Variants in MYOZ3 observed in about 807,000 individuals in gnomAD.
MYOZ3 encodes myozenin 3.
A neutral mutation model predicts 26.5 loss-of-function variants in MYOZ3; 19 were observed. The observed-to-expected ratio is 0.72, with a 90% CI of 0.50 to 1.05. The LOEUF is 1.05. Ranked by LOEUF, MYOZ3 falls within the 50% of genes least tolerant of loss-of-function variation. The pLI is 0.00. For synonymous variants in MYOZ3, 135 were observed against 138.8 expected, an observed-to-expected ratio of 0.97 and a Z score of 0.19; for missense variants, 322 against 337.1, an observed-to-expected ratio of 0.96 and a Z score of 0.35.
At chr5:150,662,196 C>G (rs552881263) in intron 1 of MYOZ3, among the ~76,000 whole-genome samples, 1 of 152,206 alleles carries the variant, frequency 6.6e-6, no homozygotes, top group Non-Finnish European at 1.5e-5. Flanking sequence ...GGCTCTGCCT[C>G]TTCTCCAGAG....
At position 150,667,189 on chromosome 5, in the gene MYOZ3, AC is replaced by A. The variant is rs1297213602; in HGVS notation, c.62-3292del. 2.0e-5 allele frequency among the ~76,000 whole-genome samples: 3 copies of A among 152,182 alleles called. No homozygotes were observed. In the East Asian group the frequency reaches 5.8e-4, roughly 29 times the overall value. Reference sequence around the variant, plus strand: ...TCCATTGACTGGCATGAATCACAGCACCCAAGTGACCCCCAGTACTGCCTGG... The same window carrying A: ...TCCATTGACTGGCATGAATCACAGCACCAAGTGACCCCCAGTACTGCCTGG... On this transcript the variant is annotated intron_variant, in intron 2 of 6. Transcript: ENST00000517768.
intron 2 of MYOZ3, among the ~76,000 whole-genome samples, chr5:150,665,463 T>C (rs1561668438): frequency 6.6e-6 from 1 of 152,168 alleles, no homozygotes; most frequent in Non-Finnish European, 1.5e-5. Flanking sequence ...CGAGACTGAG[T>C]CCCAGTTTTC....
rs751968770 is a variant in MYOZ3 at position 150,672,399 on chromosome 5, A to G, written c.484A>G (p.Lys162Glu). 8.1e-6 allele frequency: 13 copies of G among 1,613,410 alleles called. No homozygotes were observed. In the Admixed American group the frequency reaches 1.5e-4, roughly 19 times the overall value. ...GAAGTTCAACCACACCGCCATCTCCAAGGGCTACCGCTGCCCTTGGCAGGA... is the reference window on the plus strand; with the variant it reads ...GAAGTTCAACCACACCGCCATCTCCGAGGGCTACCGCTGCCCTTGGCAGGA... ...PEKFNHTAIS[K>E]GYRCPWQEFV... is the part of the protein sequence containing the mutation. Residue 162 changes from lysine (K) to glutamate (E), a missense_variant, in exon 6 of 7, where the codon AAG (lysine) becomes GAG (glutamate). By Grantham distance (56) the Lys-to-Glu change is moderately conservative (BLOSUM62 1). Coordinates refer to ENST00000517768, the MANE Select transcript of MYOZ3 (RefSeq NM_001122853.3).
intron 2 of MYOZ3, among the ~76,000 whole-genome samples, chr5:150,664,512 G>A (rs1425270288): frequency 2.6e-5 from 4 of 151,920 alleles, no homozygotes; most frequent in Non-Finnish European, 1.5e-5. Flanking sequence ...ACCTAAAGAC[G>A]GCCACTGTAA....
At position 150,672,392 on chromosome 5, in the gene MYOZ3, C is replaced by T; in HGVS notation, c.477C>T (p.Ala159=). 2.5e-6 allele frequency: 4 copies of T among 1,613,358 alleles called. No individual in the cohort carries two copies. Among genetic ancestry groups the T allele is most frequent in the Non-Finnish European group, 3.4e-6 (4 of 1,179,732 alleles). ...CGCCAGAGAAGTTCAACCACACCGC[C>T]ATCTCCAAGGGCTACCGCTGCCCTT... is the stretch of plus-strand genomic sequence containing the variant. ...GVPPEKFNHT[A]ISKGYRCPWQ... The change falls in exon 6 of 7, where the codon GCC becomes GCT. Residue 159 remains alanine, a synonymous_variant. Coordinates refer to ENST00000517768, the MANE Select transcript of MYOZ3 (RefSeq NM_001122853.3).
In MYOZ3 at chr5:150,671,605, C is replaced by T; in HGVS notation, c.225C>T (p.Ala75=). The part of the protein sequence containing the change: ...ELAASQRAML[A]GSARRKVTGT... ...TACCCCCTCGTTCCCAGATGCTGGC[C>T]GGAAGCGCCAGGAGGAAGGTGACTG... Residue 75 remains alanine, a synonymous_variant, in exon 4 of 7, where the codon GCC becomes GCT. Transcript: ENST00000517768. The T allele has an allele frequency of 6.2e-7, 1 of 1,613,804 alleles. No individual in the cohort carries two copies. Among genetic ancestry groups the T allele is most frequent in the Non-Finnish European group, 8.5e-7 (1 of 1,179,892 alleles).
intron 3 of MYOZ3, chr5:150,670,839 T>A (rs1253290949): frequency 2.8e-6 from 1 of 362,668 alleles, no homozygotes; most frequent in Admixed American, 5.1e-5. Flanking sequence ...CAAAGTGGAT[T>A]AGGGGGTTGA....
chr5:150,677,940 G>A lies in MYOZ3; in HGVS notation c.*1065G>A, dbSNP rs1174474372. On this transcript the variant is annotated 3_prime_UTR_variant, in exon 7 of 7. Transcript: ENST00000517768. ...GGGGTGTGAGGGGGAGGGTATTTCT[G>A]GAAAGTGGACCAGCATGTGCAAAAA... is the stretch of plus-strand genomic sequence containing the variant. 6.6e-6 allele frequency: 1 copy of A among 152,302 alleles called. No individual in the cohort carries two copies. The highest frequency in any genetic ancestry group is 1.5e-5 in the Non-Finnish European group (1 of 68,194). The allele number at this position is 152,302 out of a possible 1,614,324, so 9.4% of individuals were successfully genotyped here.
chr5:150,665,369 C>G (rs1003350975), intron 2 of MYOZ3, among the ~76,000 whole-genome samples: 3 of 152,162 alleles, frequency 2.0e-5, no homozygotes. Context: ...CGCTGTGGAG[C>G]ATCCATTCCA....
intron 6 of MYOZ3, chr5:150,672,722 G>A: frequency 1.8e-6 from 1 of 548,316 alleles, no homozygotes; most frequent in East Asian, 3.2e-5. Flanking sequence ...CGCACATCTT[G>A]GATATTCTCC....
At chr5:150,669,052 C>T (rs10077713) in intron 2 of MYOZ3, 21,553 of 152,044 alleles carry the variant, frequency 0.14, 2,882 homozygotes, top group African/African-American at 0.36. Flanking sequence ...GTTTTGGAGA[C>T]AATTAGCAGA....
chr5:150,671,428 G>GA, intron 3 of MYOZ3, 169 bp from the exon 4 acceptor site: 1 of 663,686 alleles, frequency 1.5e-6, no homozygotes, highest in South Asian at 1.9e-5. Flanking sequence ...AGTATTTCTC[G>GA]GTCCCAGGCA....
At chr5:150,665,246 G>C (rs542385203) in intron 2 of MYOZ3, among the ~76,000 whole-genome samples, 127 of 152,278 alleles carry the variant, frequency 8.3e-4, no homozygotes, top group Non-Finnish European at 1.4e-3. Flanking sequence ...AGCCTAGGGT[G>C]GGGTACTGCT....
At chr5:150,670,009 C>T (rs1203169308) in intron 2 of MYOZ3, 1 of 152,666 alleles carries the variant, frequency 6.6e-6, no homozygotes, top group African/African-American at 2.4e-5. Flanking sequence ...AGGTCTAAAA[C>T]TGAACTCCTG....
Position 150,672,509 on chromosome 5 carries a change from C to A in MYOZ3, c.587+7C>A. The A allele has an allele frequency of 1.3e-6, 2 of 1,543,268 alleles. No individual in the cohort carries two copies. The highest frequency in any genetic ancestry group is 1.2e-5 in the South Asian group (1 of 82,658). On this transcript the variant is annotated splice_region_variant and intron_variant, in intron 6 of 6. Transcript: ENST00000517768. The stretch of plus-strand genomic sequence containing the variant: ...ACTACCGAAATTTCAACAAGTAAGG[C>A]GGGGCGGGCAGCCCGGGGGACAGAC...
At chr5:150,663,839 A>AG (rs1168157495) in intron 2 of MYOZ3, among the ~76,000 whole-genome samples, 1 of 151,874 alleles carries the variant, frequency 6.6e-6, no homozygotes, top group Non-Finnish European at 1.5e-5. Flanking sequence ...TACAAAAAAA[A>AG]AAAATTAGCC....
chr5:150,670,851 G>A (rs1311797021), intron 3 of MYOZ3: 5 of 205,968 alleles, frequency 2.4e-5, no homozygotes, highest in African/African-American at 6.1e-5. Context: ...GGGGGTTGAG[G>A]ATAAGCCGTG....
In MYOZ3 at chr5:150,678,716, T is replaced by C. The variant is rs1433146309; in HGVS notation, c.*1841T>C. On this transcript the variant is annotated 3_prime_UTR_variant, in exon 7 of 7. Transcript: ENST00000517768. ...AGATGAGGACAAGTATAAAACCTCC[T>C]TTATGGGTTTGTTGTGAACACAGTG... 6.6e-6 allele frequency: 1 copy of C among 152,254 alleles called. No individual in the cohort carries two copies. The highest frequency in any genetic ancestry group is 1.5e-5 in the Non-Finnish European group (1 of 68,040). 9.4% of individuals were successfully genotyped at this position (152,254 alleles called of 1,614,324 possible). A position where few individuals can be genotyped will look rare whatever the true frequency, so the allele number is the denominator to read the frequency against.
intron 3 of MYOZ3, chr5:150,671,357 G>T (rs1313856482): frequency 1.4e-5 from 8 of 567,162 alleles, no homozygotes; most frequent in African/African-American, 1.9e-5. Flanking sequence ...GGACATTGAG[G>T]CTCAGGGAAA....
Sources: allele counts gnomAD v4.1 joint callset (sites outside exome capture counted in the v4.1 genomes callset), GRCh38; gene constraint gnomAD v4.1.1; transcripts MANE v1.5; gene names NCBI Gene and HGNC (gene_info 2026-07-23, HGNC 2026-07-21).